Variants in TAS1R1 observed in about 807,000 individuals in gnomAD.
TAS1R1 encodes taste 1 receptor member 1.
A neutral mutation model predicts 45.8 loss-of-function variants in TAS1R1; 31 were observed. That is an observed-to-expected ratio of 0.68 (90% CI 0.51 to 0.91). TAS1R1 has a LOEUF of 0.91. TAS1R1 is among the 40% of genes least tolerant of loss of function. The pLI, the probability that TAS1R1 is intolerant of heterozygous loss-of-function variation, is 0.00. For synonymous variants in TAS1R1, 437 were observed against 448.4 expected (o/e 0.97, Z 0.32); for missense variants, 1,051 against 1,063.9 (o/e 0.99, Z 0.17).
At chr1:6,573,125 C>G (rs1265949539) in intron 2 of TAS1R1, among the ~76,000 whole-genome samples, 1 of 152,252 alleles carries the variant, frequency 6.6e-6, no homozygotes, top group Admixed American at 6.5e-5. Flanking sequence ...TCTTCTAACT[C>G]ATTCCTCACT....
chr1:6,579,077 G>T lies in TAS1R1; in HGVS notation c.2019G>T (p.Trp673Cys). Residue 673 changes from tryptophan to cysteine, a missense_variant, in exon 6 of 6, where the codon TGG becomes TGT. By Grantham distance (215) the Trp-to-Cys change is radical (BLOSUM62 -2). Coordinates refer to ENST00000333172, the MANE Select transcript of TAS1R1 (RefSeq NM_138697.4). ...STKVPTFYHA[W>C]VQNHGAGLFV... is the part of the protein sequence containing the mutation. ...AGGTACCTACATTCTACCACGCCTG[G>T]GTCCAAAACCACGGTGCTGGCCTGT... 6.2e-7 allele frequency: 1 copy of T among 1,613,646 alleles called. No individual in the cohort carries two copies. The highest frequency in any genetic ancestry group is 8.5e-7 in the Non-Finnish European group (1 of 1,179,650).
chr1:6,560,528 G>A (rs1343341187), intron 1 of TAS1R1, among the ~76,000 whole-genome samples: 4 of 152,230 alleles, frequency 2.6e-5, no homozygotes, highest in African/African-American at 4.8e-5. Context: ...TTGGCGGAGG[G>A]CCTGCAGATG....
At position 6,578,721 on chromosome 1, in the gene TAS1R1, C is replaced by T. The variant is rs201116489; in HGVS notation, c.1663C>T (p.Arg555Cys). 124 of 1,612,284 alleles carry T rather than the reference C, an allele frequency of 7.7e-5. No individual in the cohort carries two copies. In the East Asian group the frequency reaches 1.9e-3, roughly 25 times the overall value. The change falls in exon 6 of 6, where the codon CGC becomes TGC. Residue 555 changes from arginine (R) to cysteine (C), a missense_variant. By Grantham distance (180) the Arg-to-Cys change is radical (BLOSUM62 -3). Coordinates refer to ENST00000333172, the MANE Select transcript of TAS1R1 (RefSeq NM_138697.4). ...TGAGGGAAGCCAGACCTGCTTCCCG[C>T]GCACTGTGGTGTTTTTGGCTTTGCG... ...APEGSQTCFPRTVVFLALREH... is the reference protein window; with the variant it reads ...APEGSQTCFPCTVVFLALREH...
At chr1:6,568,150 A>G (rs376540513) in intron 1 of TAS1R1, among the ~76,000 whole-genome samples, 5 of 151,972 alleles carry the variant, frequency 3.3e-5, no homozygotes, top group East Asian at 3.9e-4. Context: ...TAAAATAGGT[A>G]TTGAGAACAA....
At chr1:6,559,316 C>G (rs896650588) in intron 1 of TAS1R1, among the ~76,000 whole-genome samples, 1 of 152,034 alleles carries the variant, frequency 6.6e-6, no homozygotes, top group Non-Finnish European at 1.5e-5. Flanking sequence ...AGGCATGAGC[C>G]GCCGTGCCTA....
chr1:6,569,828 T>C (rs1349249200), intron 1 of TAS1R1, among the ~76,000 whole-genome samples: 2 of 152,154 alleles, frequency 1.3e-5, no homozygotes, highest in East Asian at 3.9e-4. Flanking sequence ...GGATTCTGGG[T>C]AAATGGCAGG....
Position 6,574,188 on chromosome 1 carries a change from G to T in TAS1R1, c.499-443G>T, listed in dbSNP as rs565662064. 6.6e-6 allele frequency among the ~76,000 whole-genome samples: 1 copy of T among 152,274 alleles called. No homozygotes were observed. Among genetic ancestry groups the T allele is most frequent in the South Asian group, 2.1e-4 (1 of 4,820 alleles). Reference sequence around the variant, plus strand: ...CCTACAAGAATCTGATGCTGCTGCTGATCTGACAGGAGGGGAGCAGCTGTA... The same window carrying T: ...CCTACAAGAATCTGATGCTGCTGCTTATCTGACAGGAGGGGAGCAGCTGTA... On this transcript the variant is annotated intron_variant, in intron 2 of 5. Transcript: ENST00000333172. This position sits in a 1 kb window ranked among gnomAD's most constrained non-coding sequence, Gnocchi z 4.3.
chr1:6,557,608 T>A (rs757725561), intron 1 of TAS1R1, among the ~76,000 whole-genome samples: 1 of 152,078 alleles, frequency 6.6e-6, no homozygotes, highest in Non-Finnish European at 1.5e-5. Context: ...GCTAATTTTT[T>A]AATTTTTTGT....
At chr1:6,566,440 C>T (rs902660200) in intron 1 of TAS1R1, among the ~76,000 whole-genome samples, 14 of 151,996 alleles carry the variant, frequency 9.2e-5, no homozygotes, top group South Asian at 2.1e-4. Context: ...AGGTCTTGAA[C>T]GAGTCAATAT....
rs537340460 is a variant in TAS1R1 at position 6,574,327 on chromosome 1, C to T, written c.499-304C>T. ...CTGACCTACACATGCTTCTCTTCTT[C>T]CTTGCAAACTGCCTCCAGTGGAAGT... On this transcript the variant is annotated intron_variant, in intron 2 of 5. Transcript: ENST00000333172. The surrounding 1 kb of genome is among the most constrained non-coding windows in gnomAD (Gnocchi z 4.3). Among the ~76,000 whole-genome samples, 1 of 152,312 alleles carries T rather than the reference C, an allele frequency of 6.6e-6. No homozygotes were observed. The highest frequency in any genetic ancestry group is 2.1e-4 in the South Asian group (1 of 4,820).
At chr1:6,562,665 T>C (rs544559448) in intron 1 of TAS1R1, among the ~76,000 whole-genome samples, 93 of 152,210 alleles carry the variant, frequency 6.1e-4, no homozygotes, top group Non-Finnish European at 1.2e-3. Flanking sequence ...CGGCTCTGCG[T>C]TGACGGACTT....
chr1:6,572,280 T>C (rs1010087813), intron 2 of TAS1R1, among the ~76,000 whole-genome samples: 4 of 150,648 alleles, frequency 2.7e-5, no homozygotes, highest in Admixed American at 2.6e-4. Flanking sequence ...TTTTTTTTTT[T>C]TTTTTTGAGA....
chr1:6,563,607 G>C (rs561726734), intron 1 of TAS1R1, among the ~76,000 whole-genome samples: 6 of 152,244 alleles, frequency 3.9e-5, no homozygotes, highest in African/African-American at 1.4e-4. Context: ...AGTTGATAGG[G>C]AGATAAAGAG....
At chr1:6,570,682 TCTCTG>T (rs1639986847) in intron 1 of TAS1R1, among the ~76,000 whole-genome samples, 1 of 152,236 alleles carries the variant, frequency 6.6e-6, no homozygotes. Flanking sequence ...GTAGCAGGTT[TCTCTG>T]CTCCAGGACT....
intron 1 of TAS1R1, among the ~76,000 whole-genome samples, chr1:6,561,613 G>A (rs1198482065): frequency 6.6e-6 from 1 of 152,118 alleles, no homozygotes; most frequent in Non-Finnish European, 1.5e-5. Context: ...TACTTGGGAG[G>A]CTGAGGCAGG....
chr1:6,573,820 GC>G (rs1337735005), intron 2 of TAS1R1, among the ~76,000 whole-genome samples: 1 of 151,834 alleles, frequency 6.6e-6, no homozygotes, highest in Non-Finnish European at 1.5e-5. Context: ...GCGCCACCAT[GC>G]CCGGCTAATT....
intron 1 of TAS1R1, among the ~76,000 whole-genome samples, chr1:6,563,831 G>A (rs1178647933): frequency 1.3e-5 from 2 of 152,160 alleles, no homozygotes; most frequent in African/African-American, 4.8e-5. Flanking sequence ...GCCTTGAAAG[G>A]GGAGGTCATC....
intron 1 of TAS1R1, among the ~76,000 whole-genome samples, chr1:6,562,481 T>A: frequency 6.6e-6 from 1 of 152,180 alleles, no homozygotes; most frequent in East Asian, 1.9e-4. Context: ...CCACGGGGGT[T>A]TTAGACCCTG....
chr1:6,565,282 G>A (rs567348162), intron 1 of TAS1R1, among the ~76,000 whole-genome samples: 112 of 152,050 alleles, frequency 7.4e-4, no homozygotes, highest in African/African-American at 2.6e-3. Context: ...GGTTGGATGC[G>A]GGATGGAGAA....
Sources: allele counts gnomAD v4.1 joint callset (sites outside exome capture counted in the v4.1 genomes callset), GRCh38; gene constraint gnomAD v4.1.1; non-coding constraint Gnocchi (gnomAD v3.1); transcripts MANE v1.5; gene names NCBI Gene and HGNC (gene_info 2026-07-23, HGNC 2026-07-21).